Variants in TMEM132B observed in about 807,000 individuals in gnomAD.
The protein encoded by TMEM132B is transmembrane protein 132B.
In TMEM132B, 18 loss-of-function variants were observed where a neutral mutation model predicts 90.8. That is an observed-to-expected ratio of 0.20 (90% CI 0.14 to 0.29). The LOEUF is 0.29. Ranked by LOEUF, TMEM132B falls within the 10% of genes least tolerant of loss-of-function variation. TMEM132B has a pLI of 1.00. For missense variants in TMEM132B, 1,096 were observed against 1,326.8 expected, an observed-to-expected ratio of 0.83 and a Z score of 2.70; for synonymous variants, 504 against 523.3, an observed-to-expected ratio of 0.96 and a Z score of 0.50.
intron 3 of TMEM132B, among the ~76,000 whole-genome samples, chr12:125,501,520 T>C (rs1284691915): frequency 6.6e-6 from 1 of 152,148 alleles, no homozygotes; most frequent in African/African-American, 2.4e-5. Flanking sequence ...TTCCTGATGG[T>C]CTCCCTTTCC....
At chr12:125,189,896 CCTTT>C (rs1440526805) in intron 1 of TMEM132B, among the ~76,000 whole-genome samples, 7 of 152,254 alleles carry the variant, frequency 4.6e-5, no homozygotes, top group South Asian at 4.1e-4. Context: ...CTGGGTGGCT[CCTTT>C]CTTCTCTTCT....
chr12:125,356,783 A>G (rs370724472), intron 2 of TMEM132B, among the ~76,000 whole-genome samples: 47 of 151,940 alleles, frequency 3.1e-4, no homozygotes, highest in African/African-American at 1.1e-3. Context: ...ATGCTGGCCC[A>G]CCCCCTTTTT....
intron 4 of TMEM132B, among the ~76,000 whole-genome samples, chr12:125,538,335 G>A (rs1029663706): frequency 2.0e-5 from 3 of 152,168 alleles, no homozygotes; most frequent in African/African-American, 7.2e-5. Context: ...ATTAGGGTCA[G>A]GGTTAGGGTG....
chr12:125,462,897 A>G (rs995822255), intron 3 of TMEM132B, among the ~76,000 whole-genome samples: 14 of 152,200 alleles, frequency 9.2e-5, no homozygotes, highest in African/African-American at 2.9e-4. Flanking sequence ...ACAAAGCCTC[A>G]TGACCCAGAC....
At chr12:125,226,313 T>C (rs191806507) in intron 1 of TMEM132B, among the ~76,000 whole-genome samples, 76 of 152,332 alleles carry the variant, frequency 5.0e-4, no homozygotes, top group African/African-American at 1.8e-3. Flanking sequence ...TTACCCTCTT[T>C]GTTAAGGGTT....
intron 3 of TMEM132B, among the ~76,000 whole-genome samples, chr12:125,442,721 C>T (rs1405197255): frequency 3.3e-5 from 5 of 152,192 alleles, no homozygotes; most frequent in Non-Finnish European, 7.3e-5. Context: ...AGGATGACGG[C>T]AGGTGTGTTT....
chr12:125,597,058 T>C (rs1593012845), intron 5 of TMEM132B, among the ~76,000 whole-genome samples: 3 of 152,174 alleles, frequency 2.0e-5, no homozygotes, highest in Admixed American at 2.0e-4. Context: ...CTGGGAGAGA[T>C]GGGACTTTGG....
intron 4 of TMEM132B, among the ~76,000 whole-genome samples, chr12:125,551,420 C>T (rs942342560): frequency 5.3e-5 from 8 of 152,020 alleles, no homozygotes; most frequent in African/African-American, 1.9e-4. Flanking sequence ...TTCTTTTGTA[C>T]CAATGATGTG....
chr12:125,188,973 C>T (rs1169498438), intron 1 of TMEM132B, among the ~76,000 whole-genome samples: 2 of 151,178 alleles, frequency 1.3e-5, no homozygotes, highest in African/African-American at 4.9e-5. Context: ...GTTGGATTTT[C>T]TGGGTGATTT....
intron 3 of TMEM132B, among the ~76,000 whole-genome samples, chr12:125,495,405 C>G (rs1882537637): frequency 6.6e-6 from 1 of 151,864 alleles, no homozygotes; most frequent in African/African-American, 2.4e-5. Flanking sequence ...TGTTGGATGG[C>G]CCCTCCTCCA....
intron 1 of TMEM132B, among the ~76,000 whole-genome samples, chr12:125,235,802 C>CTTTTTTTTTTT (rs61643412): frequency 1.9e-5 from 2 of 107,416 alleles, no homozygotes; most frequent in Non-Finnish European, 3.5e-5. Context: ...CACTTCATTC[C>CTTTTTTTTTTT]TTTTTTTTTT....
intron 5 of TMEM132B, among the ~76,000 whole-genome samples, chr12:125,595,406 C>CG (rs1268368293): frequency 6.6e-6 from 1 of 152,070 alleles, no homozygotes. Flanking sequence ...CATCACTTTC[C>CG]GGGGGATTTG....
At chr12:125,385,738 T>A (rs1452030363) in intron 2 of TMEM132B, among the ~76,000 whole-genome samples, 1 of 152,232 alleles carries the variant, frequency 6.6e-6, no homozygotes, top group Non-Finnish European at 1.5e-5. Flanking sequence ...CTTAATGTAT[T>A]TTTTATTGAA....
chr12:125,644,059 C>A lies in TMEM132B; in HGVS notation c.1438-17C>A. The A allele has an allele frequency of 6.2e-7, 1 of 1,612,812 alleles. No homozygotes were observed. Among genetic ancestry groups the A allele is most frequent in the South Asian group, 1.1e-5 (1 of 90,992 alleles). ...TTTCCTACTGATGCATCTCAAGGTT[C>A]TACCTCCTTCCCAAAGGTTTCCAAC... On this transcript the variant is annotated splice_polypyrimidine_tract_variant and intron_variant, in intron 5 of 8. Coordinates refer to ENST00000682704, the MANE Select transcript of TMEM132B (RefSeq NM_001366854.1).
intron 4 of TMEM132B, among the ~76,000 whole-genome samples, chr12:125,567,837 T>C (rs1884695667): frequency 6.6e-6 from 1 of 152,220 alleles, no homozygotes; most frequent in South Asian, 2.1e-4. Flanking sequence ...GTTACAGTTC[T>C]AATTGAAGGA....
intron 1 of TMEM132B, among the ~76,000 whole-genome samples, chr12:125,212,110 G>A (rs1873331954): frequency 6.6e-6 from 1 of 152,116 alleles, no homozygotes; most frequent in East Asian, 1.9e-4. Flanking sequence ...GCTGATTGCC[G>A]GCAGCTTGGG....
At chr12:125,601,142 AC>A (rs1885560517) in intron 5 of TMEM132B, among the ~76,000 whole-genome samples, 1 of 152,154 alleles carries the variant, frequency 6.6e-6, no homozygotes, top group South Asian at 2.1e-4. Flanking sequence ...AGAACTCTCC[AC>A]CCCAAATCAA....
intron 3 of TMEM132B, among the ~76,000 whole-genome samples, chr12:125,514,176 T>A (rs1471565318): frequency 6.6e-6 from 1 of 152,140 alleles, no homozygotes; most frequent in East Asian, 1.9e-4. Flanking sequence ...TCGCTTCTTG[T>A]CTCCCAGAAT....
At chr12:125,547,354 A>AGAGTT (rs77584525) in intron 4 of TMEM132B, among the ~76,000 whole-genome samples, 93,372 of 151,362 alleles carry the variant, frequency 0.62, 29,669 homozygotes, top group East Asian at 0.79. Context: ...GCATAAAAGT[A>AGAGTT]ATCTTGTGAT....
Sources: gnomAD v4.1 joint callset for allele counts (sites outside exome capture counted in the v4.1 genomes callset) on GRCh38, gnomAD v4.1.1 for gene constraint, MANE v1.5 for transcripts, NCBI Gene and HGNC (gene_info 2026-07-23, HGNC 2026-07-21) for gene names.